CBL: variants seen among roughly 807,000 people sequenced by gnomAD.
CBL encodes the protein E3 ubiquitin-protein ligase CBL.
In CBL, 45 loss-of-function variants were observed where a neutral mutation model predicts 96.9. That is an observed-to-expected ratio of 0.46 (90% CI 0.37 to 0.60). CBL has a LOEUF of 0.60. Among genes scored for constraint, CBL ranks in the 20% least tolerant of loss-of-function variants. CBL has a pLI of 0.00. For missense variants in CBL, 1,024 were observed against 1,143.5 expected, an observed-to-expected ratio of 0.90 and a Z score of 1.51; for synonymous variants, 420 against 426.8, an observed-to-expected ratio of 0.98 and a Z score of 0.20.
At chr11:119,221,549 C>T (rs747856751) in intron 1 of CBL, among the ~76,000 whole-genome samples, 2 of 151,852 alleles carry the variant, frequency 1.3e-5, no homozygotes, top group African/African-American at 2.4e-5. Context: ...GGATGGATCG[C>T]GAGGTCAGGA....
chr11:119,220,903 A>G (rs1401371928), intron 1 of CBL, among the ~76,000 whole-genome samples: 1 of 149,866 alleles, frequency 6.7e-6, no homozygotes, highest in Non-Finnish European at 1.5e-5. Context: ...TAGTGATGAC[A>G]CTTTTTTTTT....
intron 1 of CBL, among the ~76,000 whole-genome samples, chr11:119,219,792 T>C (rs1949393354): frequency 6.6e-6 from 1 of 151,592 alleles, no homozygotes; most frequent in Non-Finnish European, 1.5e-5. Flanking sequence ...CAAGTGATTC[T>C]CCTGCCTCAG....
intron 1 of CBL, among the ~76,000 whole-genome samples, chr11:119,214,430 G>A (rs1193106092): frequency 6.6e-6 from 1 of 152,022 alleles, no homozygotes; most frequent in Non-Finnish European, 1.5e-5. Context: ...TGTACTTTTG[G>A]TAGAGATGGG....
intron 2 of CBL, among the ~76,000 whole-genome samples, chr11:119,257,949 G>T (rs562190969): frequency 6.6e-6 from 1 of 152,110 alleles, no homozygotes; most frequent in Non-Finnish European, 1.5e-5. Flanking sequence ...ACTTGTGGCC[G>T]GGTGCTGTGG....
At chr11:119,207,660 G>A (rs1487704196) in intron 1 of CBL, among the ~76,000 whole-genome samples, 1 of 152,158 alleles carries the variant, frequency 6.6e-6, no homozygotes, top group African/African-American at 2.4e-5. Context: ...GCAGTCGGAC[G>A]CTTTGTCAGA....
chr11:119,260,638 C>T (rs561064131), intron 2 of CBL, among the ~76,000 whole-genome samples: 56 of 151,906 alleles, frequency 3.7e-4, no homozygotes, highest in African/African-American at 1.3e-3. Flanking sequence ...TTGGTAATAC[C>T]CTAGGTTTAT....
rs117973382 is a variant in CBL, at chr11:119,303,812, C to G, written c.*4031C>G. The stretch of plus-strand genomic sequence containing the variant: ...AAGCAAAGCATCTGCCCACACTCCC[C>G]TTTCCAATCTAGTGCCTTCCTTGAA... On this transcript the variant is annotated 3_prime_UTR_variant, in exon 16 of 16. Coordinates refer to ENST00000264033, the MANE Select transcript of CBL (RefSeq NM_005188.4). The G allele has an allele frequency of 3.3e-3, 764 of 233,712 alleles. 4 individuals are homozygous for G. The highest frequency in any genetic ancestry group is 5.3e-3 in the Non-Finnish European group (624 of 118,054). 14.5% of individuals were successfully genotyped at this position (233,712 alleles called of 1,614,324 possible).
chr11:119,253,828 C>T (rs1459703487), intron 2 of CBL, among the ~76,000 whole-genome samples: 1 of 140,092 alleles, frequency 7.1e-6, no homozygotes, highest in East Asian at 2.3e-4. Context: ...CACAGTGAGA[C>T]CCCATCTAAA....
At chr11:119,233,141 A>T (rs979828765) in intron 2 of CBL, among the ~76,000 whole-genome samples, 2 of 152,230 alleles carry the variant, frequency 1.3e-5, no homozygotes, top group African/African-American at 4.8e-5. Flanking sequence ...AGCAAAGTGA[A>T]ATGACATTTT....
At chr11:119,288,619 C>G (rs1950002777) in intron 12 of CBL, among the ~76,000 whole-genome samples, 1 of 152,172 alleles carries the variant, frequency 6.6e-6, no homozygotes, top group Non-Finnish European at 1.5e-5. Context: ...ACAGCCACCC[C>G]TCAGTATATA....
intron 2 of CBL, among the ~76,000 whole-genome samples, chr11:119,253,819 A>G (rs546819187): frequency 6.8e-6 from 1 of 147,476 alleles, no homozygotes; most frequent in African/African-American, 2.5e-5. Flanking sequence ...CCTGGGCAAC[A>G]CAGTGAGACC....
chr11:119,208,606 G>A (rs181359615), intron 1 of CBL, among the ~76,000 whole-genome samples: 48 of 152,046 alleles, frequency 3.2e-4, no homozygotes, highest in Middle Eastern at 3.4e-3. Flanking sequence ...GACCAGGCTC[G>A]TCTCGAACTC....
At chr11:119,248,486 A>T (rs1420012634) in intron 2 of CBL, among the ~76,000 whole-genome samples, 1 of 152,218 alleles carries the variant, frequency 6.6e-6, no homozygotes, top group Non-Finnish European at 1.5e-5. Flanking sequence ...GGCCAAAAAA[A>T]TGAAAACAAA....
chr11:119,260,295 A>T (rs1324695208), intron 2 of CBL, among the ~76,000 whole-genome samples: 2 of 136,274 alleles, frequency 1.5e-5, no homozygotes, highest in Admixed American at 1.6e-4. Context: ...TTCAGACTGG[A>T]TTTAGTGGTG....
At chr11:119,274,292 G>C (rs1482981427) in intron 4 of CBL, among the ~76,000 whole-genome samples, 2 of 151,952 alleles carry the variant, frequency 1.3e-5, no homozygotes, top group African/African-American at 2.4e-5. Flanking sequence ...TTCTTCTTTT[G>C]TATCATTTTA....
At chr11:119,233,682 TAACTC>T (rs1949521777) in intron 2 of CBL, among the ~76,000 whole-genome samples, 1 of 152,252 alleles carries the variant, frequency 6.6e-6, no homozygotes, top group Admixed American at 6.5e-5. Flanking sequence ...AACTAAATAT[TAACTC>T]ATCTAGAATG....
rs188899458 is a variant in CBL at position 119,240,902 on chromosome 11, G to A, written c.443+8207G>A. ...AGCCTGGCTAACATCGTGAAACCCC[G>A]TCTCTACTAAAAATACAAAAATTAG... On this transcript the variant is annotated intron_variant, in intron 2 of 15. Coordinates refer to ENST00000264033, the MANE Select transcript of CBL (RefSeq NM_005188.4). Among the ~76,000 whole-genome samples, 10 of 152,004 alleles carry A rather than the reference G, an allele frequency of 6.6e-5. No homozygotes were observed. In the East Asian group the frequency reaches 1.5e-3, roughly 24 times the overall value.
intron 2 of CBL, among the ~76,000 whole-genome samples, chr11:119,260,988 C>T (rs1044407410): frequency 7.5e-6 from 1 of 133,246 alleles, no homozygotes; most frequent in Non-Finnish European, 1.5e-5. Flanking sequence ...AGGCTGGACA[C>T]TACAACCTCT....
At chr11:119,228,606 C>CAA (rs1166589178) in intron 1 of CBL, among the ~76,000 whole-genome samples, 2 of 121,210 alleles carry the variant, frequency 1.7e-5, no homozygotes, top group African/African-American at 5.9e-5. Context: ...AACTCCATCT[C>CAA]AAAAAAAAAA....
Sources: gnomAD v4.1 joint callset for allele counts (sites outside exome capture counted in the v4.1 genomes callset) on GRCh38, gnomAD v4.1.1 for gene constraint, MANE v1.5 for transcripts, NCBI Gene and HGNC (gene_info 2026-07-23, HGNC 2026-07-21) for gene names.